Variants in CLSTN2 observed in about 807,000 individuals in gnomAD.
The protein encoded by CLSTN2 is calsyntenin 2.
Under a neutral mutation model 101.2 loss-of-function variants are expected in CLSTN2, and 48 were observed. That is an observed-to-expected ratio of 0.47 (90% CI 0.38 to 0.60). The LOEUF (loss-of-function observed/expected upper bound fraction) is 0.60, where lower values mean the gene tolerates loss of function less well. CLSTN2 is among the 20% of genes least tolerant of loss of function. CLSTN2 has a pLI of 0.00. For synonymous variants in CLSTN2, 481 were observed against 463.6 expected, an observed-to-expected ratio of 1.04 and a Z score of -0.48; for missense variants, 1,160 against 1,238.2, an observed-to-expected ratio of 0.94 and a Z score of 0.95.
At chr3:140,302,757 A>T (rs1479397857) in intron 2 of CLSTN2, among the ~76,000 whole-genome samples, 3 of 152,202 alleles carry the variant, frequency 2.0e-5, no homozygotes, top group African/African-American at 7.2e-5. Context: ...GCAAGTGTAT[A>T]GAACAGATAG....
intron 1 of CLSTN2, among the ~76,000 whole-genome samples, chr3:140,157,085 A>C (rs1352791443): frequency 1.3e-5 from 2 of 152,156 alleles, no homozygotes; most frequent in Non-Finnish European, 2.9e-5. Flanking sequence ...AGAAGTGCTC[A>C]ATGAGGGGAA....
chr3:140,244,073 G>A (rs2086494151), intron 2 of CLSTN2, among the ~76,000 whole-genome samples: 1 of 152,208 alleles, frequency 6.6e-6, no homozygotes, highest in Non-Finnish European at 1.5e-5. Context: ...AGGAAGGCTG[G>A]CAGTGCTGAG....
At chr3:140,332,357 C>T (rs2087391916) in intron 2 of CLSTN2, among the ~76,000 whole-genome samples, 1 of 152,212 alleles carries the variant, frequency 6.6e-6, no homozygotes, top group Non-Finnish European at 1.5e-5. Context: ...GAGCAAGGTC[C>T]TATCCTGGAG....
intron 1 of CLSTN2, among the ~76,000 whole-genome samples, chr3:140,089,796 G>C (rs558642315): frequency 1.3e-5 from 2 of 151,256 alleles, no homozygotes; most frequent in South Asian, 4.2e-4. Flanking sequence ...ATTTTTAGTA[G>C]AGATAGGGTT....
At chr3:140,536,623 G>A (rs1013483075) in intron 9 of CLSTN2, among the ~76,000 whole-genome samples, 1 of 152,174 alleles carries the variant, frequency 6.6e-6, no homozygotes, top group East Asian at 1.9e-4. Context: ...ACCTTATCAT[G>A]CAGTGTTTTA....
rs200582581 is a variant in CLSTN2 at position 140,345,252 on chromosome 3, TC to T, written c.233-58376del. On this transcript the variant is annotated intron_variant, in intron 2 of 16. Transcript: ENST00000458420. ...GCATTGAGTGGATATAGCCTTTTTT[TC>T]TTTTTTTTTTTTGAGACAGAGTTTC... 1.4e-3 allele frequency among the ~76,000 whole-genome samples: 211 copies of T among 146,906 alleles called. 20 individuals carry two copies. Among genetic ancestry groups the T allele is most frequent in the South Asian group, 3.7e-3 (17 of 4,612 alleles).
chr3:140,487,369 C>A (rs535926094), intron 8 of CLSTN2, among the ~76,000 whole-genome samples: 4 of 152,292 alleles, frequency 2.6e-5, no homozygotes, highest in African/African-American at 4.8e-5. Context: ...AAGAGGTAAA[C>A]CAGCTTCTGA....
chr3:140,052,068 G>A (rs2008007740), intron 1 of CLSTN2, among the ~76,000 whole-genome samples: 1 of 152,238 alleles, frequency 6.6e-6, no homozygotes, highest in South Asian at 2.1e-4. Context: ...CAGAGTGGAT[G>A]TAGAATTGAA....
intron 1 of CLSTN2, among the ~76,000 whole-genome samples, chr3:140,000,876 T>G (rs995722755): frequency 1.3e-5 from 2 of 152,198 alleles, no homozygotes; most frequent in Admixed American, 6.5e-5. Flanking sequence ...ACCAAAGGCC[T>G]GTAAGCCTGA....
At position 139,995,012 on chromosome 3, in the gene CLSTN2, T is replaced by C. The variant is rs116842784; in HGVS notation, c.109+59529T>C. Among the ~76,000 whole-genome samples the C allele has an allele frequency of 2.4e-4, 37 of 152,346 alleles. No homozygotes were observed. The East Asian group carries it at 5.0e-3, about 21-fold the overall frequency. Reference sequence around the variant, plus strand: ...CATGCATCACGGGTGCCTCAGACTTTATCTCTCTGACATTTGCTGGGGCAC... The same window carrying C: ...CATGCATCACGGGTGCCTCAGACTTCATCTCTCTGACATTTGCTGGGGCAC... On this transcript the variant is annotated intron_variant, in intron 1 of 16. Coordinates refer to ENST00000458420, the MANE Select transcript of CLSTN2 (RefSeq NM_022131.3).
intron 8 of CLSTN2, among the ~76,000 whole-genome samples, chr3:140,476,255 G>A (rs1052442921): frequency 6.6e-6 from 1 of 152,228 alleles, no homozygotes. Context: ...GAGACATGAT[G>A]CAAAGGCACT....
chr3:140,091,374 C>T (rs548507726), intron 1 of CLSTN2, among the ~76,000 whole-genome samples: 2 of 152,142 alleles, frequency 1.3e-5, no homozygotes, highest in African/African-American at 4.8e-5. Context: ...CCTGGACACC[C>T]ATTCCTTGGC....
At chr3:140,455,298 C>T (rs1228767813) in intron 6 of CLSTN2, among the ~76,000 whole-genome samples, 2 of 152,180 alleles carry the variant, frequency 1.3e-5, no homozygotes, top group Non-Finnish European at 2.9e-5. Context: ...ACTGGTGGCC[C>T]CATGTCAGTC....
At chr3:140,141,096 A>G (rs2009690816) in intron 1 of CLSTN2, among the ~76,000 whole-genome samples, 1 of 152,222 alleles carries the variant, frequency 6.6e-6, no homozygotes, top group Non-Finnish European at 1.5e-5. Context: ...TCTTAGATGA[A>G]GTCGGTCTTG....
At chr3:140,227,028 G>A (rs1450276282) in intron 2 of CLSTN2, among the ~76,000 whole-genome samples, 1 of 151,998 alleles carries the variant, frequency 6.6e-6, no homozygotes, top group Non-Finnish European at 1.5e-5. Flanking sequence ...TTCTACTCCT[G>A]GTCCCTCCCA....
intron 1 of CLSTN2, among the ~76,000 whole-genome samples, chr3:140,099,519 T>G (rs1373683603): frequency 6.6e-6 from 1 of 152,158 alleles, no homozygotes; most frequent in African/African-American, 2.4e-5. Flanking sequence ...AAAATACATC[T>G]GCAGAGACCC....
intron 1 of CLSTN2, among the ~76,000 whole-genome samples, chr3:140,122,126 A>G (rs1345055169): frequency 3.9e-5 from 6 of 152,132 alleles, no homozygotes; most frequent in Non-Finnish European, 8.8e-5. Flanking sequence ...CTGTTCTGCA[A>G]CTCGACATTT....
At chr3:140,489,324 TG>T (rs924051425) in intron 8 of CLSTN2, among the ~76,000 whole-genome samples, 2 of 152,218 alleles carry the variant, frequency 1.3e-5, no homozygotes, top group African/African-American at 4.8e-5. Context: ...ACTTGTTTTG[TG>T]TAGCTTTATG....
intron 11 of CLSTN2, among the ~76,000 whole-genome samples, chr3:140,557,316 G>A (rs1192691044): frequency 1.3e-5 from 2 of 152,190 alleles, no homozygotes; most frequent in East Asian, 3.9e-4. Context: ...AGGAACAAGG[G>A]TGGGAAAGAT....
Sources: allele counts gnomAD v4.1 joint callset (sites outside exome capture counted in the v4.1 genomes callset), GRCh38; gene constraint gnomAD v4.1.1; transcripts MANE v1.5; gene names NCBI Gene and HGNC (gene_info 2026-07-23, HGNC 2026-07-21).